Variants in OR1F1 observed in about 807,000 individuals in gnomAD.
OR1F1 encodes the protein olfactory receptor family 1 subfamily F member 1, also known as olfactory receptor 1F1.
For missense variants in OR1F1, 493 were observed against 376.3 expected (o/e 1.31, Z -2.57); for synonymous variants, 184 against 156.7 (o/e 1.17, Z -1.30).
At chr16:3,192,283 G>A in the OR1F1 span, among the ~76,000 whole-genome samples, 4 of 151,070 alleles carry the variant, frequency 2.6e-5, no homozygotes, top group South Asian at 4.1e-4. Flanking sequence ...GTCTTGATCT[G>A]ACCTCGTGAT....
At chr16:3,203,078 G>A (rs1431235075), upstream of OR1F1, among the ~76,000 whole-genome samples, 1 of 152,220 alleles carries the variant, frequency 6.6e-6, no homozygotes, top group African/African-American at 2.4e-5. Flanking sequence ...TGTTGCCAAT[G>A]ATTACCCCTT....
chr16:3,192,718 A>G, the OR1F1 span, among the ~76,000 whole-genome samples: 1 of 152,050 alleles, frequency 6.6e-6, no homozygotes, highest in Non-Finnish European at 1.5e-5. Context: ...AGCGAGGTGC[A>G]GGGTAGAATC....
At chr16:3,192,437 T>A in the OR1F1 span, among the ~76,000 whole-genome samples, 1 of 152,244 alleles carries the variant, frequency 6.6e-6, no homozygotes, top group African/African-American at 2.4e-5. Flanking sequence ...TCTGCTTCAA[T>A]TTATAAAATA....
the OR1F1 span, among the ~76,000 whole-genome samples, chr16:3,193,022 C>T: frequency 6.6e-6 from 1 of 152,150 alleles, no homozygotes; most frequent in South Asian, 2.1e-4. Flanking sequence ...CTGCAGCCTC[C>T]GCCTCCCAGG....
upstream of OR1F1, among the ~76,000 whole-genome samples, chr16:3,203,501 C>G (rs553563248): frequency 4.9e-4 from 74 of 152,348 alleles, 2 homozygotes; most frequent in South Asian, 0.012. Context: ...TGTGGTGGCT[C>G]ACGCCTGTAA....
the OR1F1 span, chr16:3,189,869 CT>C: frequency 2.0e-5 from 3 of 152,218 alleles, no homozygotes; most frequent in East Asian, 5.8e-4. Flanking sequence ...TAAAATTCAT[CT>C]AGAGTCCTGT....
At chr16:3,204,859 C>A in exon 1 of OR1F1, 1 of 1,614,174 alleles carries the variant, frequency 6.2e-7, no homozygotes, top group Non-Finnish European at 8.5e-7. Context: ...TGAGGGTGCC[C>A]TGGTCATGAT....
chr16:3,203,716 A>G (rs537832147), upstream of OR1F1, among the ~76,000 whole-genome samples: 1 of 152,352 alleles, frequency 6.6e-6, no homozygotes, highest in East Asian at 1.9e-4. Flanking sequence ...GCGAGCCAAG[A>G]TCTCGCCACT....
At chr16:3,204,141 GC>G (rs1405693529), upstream of OR1F1, 1 of 791,582 alleles carries the variant, frequency 1.3e-6, no homozygotes, top group Non-Finnish European at 2.0e-6. Context: ...TTTACATCCT[GC>G]AAGCAAAATT....
At chr16:3,205,421 T>G (rs1215833661), downstream of OR1F1, among the ~76,000 whole-genome samples, 2 of 151,954 alleles carry the variant, frequency 1.3e-5, no homozygotes, top group Non-Finnish European at 2.9e-5. Context: ...GCTCAAGTGA[T>G]CCTCCTGCCT....
At chr16:3,204,696 G>A (rs773419546) in exon 1 of OR1F1, 4 of 1,614,108 alleles carry the variant, frequency 2.5e-6, no homozygotes, top group Non-Finnish European at 3.4e-6. Context: ...GATTATGGGT[G>A]GTTGCCAACC....
At chr16:3,205,514 C>G (rs1958197083), downstream of OR1F1, among the ~76,000 whole-genome samples, 1 of 150,538 alleles carries the variant, frequency 6.6e-6, no homozygotes, top group Non-Finnish European at 1.5e-5. Flanking sequence ...CGGAGTCTCT[C>G]TATGTCGCCA....
exon 1 of OR1F1, chr16:3,205,127 A>C: frequency 6.2e-7 from 1 of 1,613,802 alleles, no homozygotes; most frequent in Middle Eastern, 1.7e-4. Flanking sequence ...AGCCTGAGGA[A>C]CAGGTACTTG....
chr16:3,199,212 A>G, the OR1F1 span, among the ~76,000 whole-genome samples: 1 of 150,532 alleles, frequency 6.6e-6, no homozygotes, highest in Non-Finnish European at 1.5e-5. Flanking sequence ...CTGAGACAGG[A>G]GAATCACCTG....
At chr16:3,202,779 C>T (rs7191272), upstream of OR1F1, among the ~76,000 whole-genome samples, 8,875 of 151,780 alleles carry the variant, frequency 0.058, 744 homozygotes, top group African/African-American at 0.18. Context: ...TTAAGAGTCA[C>T]GAGATATTTA....
At chr16:3,194,145 C>T in the OR1F1 span, among the ~76,000 whole-genome samples, 5 of 152,324 alleles carry the variant, frequency 3.3e-5, no homozygotes, top group South Asian at 2.1e-4. Flanking sequence ...CACACAATCT[C>T]CTCTCTCTCT....
the OR1F1 span, among the ~76,000 whole-genome samples, chr16:3,190,537 T>C: frequency 2.6e-5 from 4 of 152,126 alleles, no homozygotes; most frequent in Non-Finnish European, 5.9e-5. Context: ...AATCACCTGA[T>C]GTCAGGAGAT....
the OR1F1 span, among the ~76,000 whole-genome samples, chr16:3,194,751 T>C: frequency 3.3e-5 from 5 of 152,280 alleles, no homozygotes; most frequent in African/African-American, 7.2e-5. Flanking sequence ...ACTTGCGGAA[T>C]TGGAAGTGAG....
the OR1F1 span, among the ~76,000 whole-genome samples, chr16:3,198,137 G>C: frequency 1.2e-5 from 1 of 83,852 alleles, no homozygotes; most frequent in East Asian, 2.6e-4. Context: ...GGGAGAAGGA[G>C]GGAGAGAGAG....
Sources: gnomAD v4.1 joint callset for allele counts (sites outside exome capture counted in the v4.1 genomes callset) on GRCh38, gnomAD v4.1.1 for gene constraint, MANE v1.5 for transcripts, NCBI Gene and HGNC (gene_info 2026-07-23, HGNC 2026-07-21) for gene names.